Variants in SEC22C observed in about 807,000 individuals in gnomAD.
SEC22C encodes the protein vesicle-trafficking protein SEC22c.
A neutral mutation model predicts 34.7 loss-of-function variants in SEC22C; 29 were observed. That is an observed-to-expected ratio of 0.84 (90% CI 0.62 to 1.14). SEC22C has a LOEUF of 1.14. Among genes scored for constraint, SEC22C ranks in the 50% most tolerant of loss-of-function variants. The pLI is 0.00. For synonymous variants in SEC22C, 117 were observed against 132.8 expected (o/e 0.88, Z 0.82); for missense variants, 337 against 369.0 (o/e 0.91, Z 0.71).
Position 42,561,184 on chromosome 3 carries a change from G to A in SEC22C, c.459C>T (p.Leu153=). The A allele has an allele frequency of 6.2e-7, 1 of 1,614,146 alleles. No homozygotes were observed. The highest frequency in any genetic ancestry group is 8.5e-7 in the Non-Finnish European group (1 of 1,180,016). Residue 153 remains leucine (L), a synonymous_variant, in exon 4 of 7, where the codon CTC becomes CTT. Coordinates refer to ENST00000264454, the MANE Select transcript of SEC22C (RefSeq NM_032970.4). ...EELKLQPPAV[L]TLEDTDVANG... The stretch of plus-strand genomic sequence containing the variant: ...TTGCCACATCTGTGTCCTCCAGAGT[G>A]AGAACCGCTGGAGGCTGCAACTTGA...
At position 42,549,731 on chromosome 3, in the gene SEC22C, T is replaced by C; in HGVS notation, c.*3517A>G. ...TCAGACTCTGTCTCCAGAGCTGGAA[T>C]GTATAGGGCAGAGGTAGAAAGAGGC... On this transcript the variant is annotated 3_prime_UTR_variant, in exon 7 of 7. Transcript: ENST00000264454. 1.0e-6 allele frequency: 1 copy of C among 985,452 alleles called. No individual in the cohort carries two copies. The highest frequency in any genetic ancestry group is 1.2e-6 in the Non-Finnish European group (1 of 829,946). 61.0% of individuals were successfully genotyped at this position (985,452 alleles called of 1,614,324 possible). A position where few individuals can be genotyped will look rare whatever the true frequency, so the allele number is the denominator to read the frequency against.
At chr3:42,567,232 A>C (rs1472876727) in intron 2 of SEC22C, among the ~76,000 whole-genome samples, 1 of 152,236 alleles carries the variant, frequency 6.6e-6, no homozygotes, top group Admixed American at 6.5e-5. Flanking sequence ...TAAAATAAAA[A>C]ATAAAAATAT....
At chr3:42,591,665 C>T (rs1254349528) in intron 1 of SEC22C, 74 of 1,071,786 alleles carry the variant, frequency 6.9e-5, no homozygotes, top group South Asian at 3.8e-5. Flanking sequence ...TGATGCGGTG[C>T]TTTCTCGAAC....
At chr3:42,570,766 C>T (rs925135832) in intron 1 of SEC22C, among the ~76,000 whole-genome samples, 10 of 152,154 alleles carry the variant, frequency 6.6e-5, no homozygotes, top group Non-Finnish European at 1.5e-4. Context: ...ATCTTCTATA[C>T]TTTCGTAAGT....
chr3:42,600,372 C>G (rs1010984595), intron 1 of SEC22C: 2 of 152,252 alleles, frequency 1.3e-5, no homozygotes, highest in Non-Finnish European at 2.9e-5. Context: ...ACAGAGAAGT[C>G]TCGCGGTATC....
chr3:42,566,874 T>A (rs1195214324), intron 2 of SEC22C: 1 of 347,272 alleles, frequency 2.9e-6, no homozygotes, highest in East Asian at 8.6e-5. Context: ...TATAGTGGTG[T>A]GTAGACTCAG....
At chr3:42,596,506 C>A (rs1349791120) in intron 1 of SEC22C, among the ~76,000 whole-genome samples, 3 of 152,256 alleles carry the variant, frequency 2.0e-5, no homozygotes, top group Non-Finnish European at 4.4e-5. Flanking sequence ...AAATCATGGA[C>A]AAATTAAGCC....
chr3:42,599,693 A>G (rs1412762586), intron 1 of SEC22C, among the ~76,000 whole-genome samples: 1 of 148,736 alleles, frequency 6.7e-6, no homozygotes, highest in Non-Finnish European at 1.5e-5. Context: ...CTCCGTCTCA[A>G]AAAAAAAAAA....
At chr3:42,584,535 C>T (rs186126937), upstream of SEC22C, among the ~76,000 whole-genome samples, 73 of 152,282 alleles carry the variant, frequency 4.8e-4, no homozygotes, top group Middle Eastern at 0.017. Context: ...GGATTACAGG[C>T]GTGAGCCACC....
At position 42,551,676 on chromosome 3, in the gene SEC22C, T is replaced by TA. The variant is rs1702266419; in HGVS notation, c.*1571_*1572insT. 1.0e-6 allele frequency: 1 copy of TA among 962,296 alleles called. No individual in the cohort carries two copies. The highest frequency in any genetic ancestry group is 1.8e-5 in the African/African-American group (1 of 56,682). The allele number at this position is 962,296 out of a possible 1,614,324, so 59.6% of individuals were successfully genotyped here. ...TTTATGTTTGGTCAAAAATAGAAAA[T>TA]TCTATTATAAAAAATAAAGTTACTA... is the stretch of plus-strand genomic sequence containing the variant. On this transcript the variant is annotated 3_prime_UTR_variant, in exon 7 of 7. Coordinates refer to ENST00000264454, the MANE Select transcript of SEC22C (RefSeq NM_032970.4).
Position 42,548,986 on chromosome 3 carries a change from C to T in SEC22C, c.*4262G>A. The T allele has an allele frequency of 9.2e-7, 1 of 1,085,686 alleles. No homozygotes were observed. Among genetic ancestry groups the T allele is most frequent in the Non-Finnish European group, 1.1e-6 (1 of 884,650 alleles). The allele number at this position is 1,085,686 out of a possible 1,614,324, so 67.3% of individuals were successfully genotyped here. On this transcript the variant is annotated 3_prime_UTR_variant, in exon 7 of 7. Transcript: ENST00000264454. ...GCAGATTGATGTTATCACCATTTAC[C>T]AGATGAGGAAACTGAGGCCTGATGG...
At chr3:42,561,993 C>CA (rs3836501) in intron 3 of SEC22C, among the ~76,000 whole-genome samples, 7 of 148,936 alleles carry the variant, frequency 4.7e-5, no homozygotes, top group South Asian at 4.2e-4. Flanking sequence ...CTGATTAACT[C>CA]AAAAAAAAAG....
In SEC22C at chr3:42,576,859, T is replaced by C. The variant is rs183698535; in HGVS notation, c.-28+4987A>G. Among the ~76,000 whole-genome samples, 40 of 152,226 alleles carry C rather than the reference T, an allele frequency of 2.6e-4. 2 individuals carry two copies. Among genetic ancestry groups the C allele is most frequent in the Admixed American group, 2.5e-3 (38 of 15,302 alleles). ...AAAAAGAATAAAATAGGAAAAACCA[T>C]GCTATCCTACTTCAAGACTTATTAT... On this transcript the variant is annotated intron_variant, in intron 1 of 6. Transcript: ENST00000264454.
In SEC22C at chr3:42,591,384, G is replaced by A. The variant is rs1452863196; in HGVS notation, c.-28+9576C>T. 3.0e-5 allele frequency: 19 copies of A among 643,194 alleles called. No individual in the cohort carries two copies. The South Asian group carries it at 3.0e-4, about 10-fold the overall frequency. 39.8% of individuals were successfully genotyped at this position (643,194 alleles called of 1,614,324 possible). A position where few individuals can be genotyped will look rare whatever the true frequency, so the allele number is the denominator to read the frequency against. On this transcript the variant is annotated intron_variant, in intron 1 of 6. Coordinates refer to the SEC22C transcript ENST00000417572. ...CGGCTAATTTTTGTATTTTTAGTAT[G>A]GGGTTTCCCCATGTTGGCCAGGCTA...
At chr3:42,597,408 T>C (rs1372290112) in intron 1 of SEC22C, among the ~76,000 whole-genome samples, 1 of 152,034 alleles carries the variant, frequency 6.6e-6, no homozygotes, top group Non-Finnish European at 1.5e-5. Flanking sequence ...ACAAAAAAAT[T>C]AGCCAGGTGT....
rs1702161787 is a variant in SEC22C at position 42,549,872 on chromosome 3, T to C, written c.*3376A>G. ...CTCCAGAGTTCACAGAAAAGAGGGA[T>C]GCAAGCCCAAAAAGCAAAAGCAGGA... is the stretch of plus-strand genomic sequence containing the variant. On this transcript the variant is annotated 3_prime_UTR_variant, in exon 7 of 7. Coordinates refer to ENST00000264454, the MANE Select transcript of SEC22C (RefSeq NM_032970.4). 2.3e-5 allele frequency: 23 copies of C among 985,452 alleles called. No individual in the cohort carries two copies. The highest frequency in any genetic ancestry group is 2.8e-5 in the Non-Finnish European group (23 of 829,936). The allele number at this position is 985,452 out of a possible 1,614,324, so 61.0% of individuals were successfully genotyped here.
intron 4 of SEC22C, among the ~76,000 whole-genome samples, chr3:42,560,527 A>G (rs73071394): frequency 6.6e-6 from 1 of 151,338 alleles, no homozygotes; most frequent in Non-Finnish European, 1.5e-5. Flanking sequence ...AAAAAAAAAA[A>G]AAGAAGAAGA....
intron 1 of SEC22C, among the ~76,000 whole-genome samples, chr3:42,589,896 T>C (rs1008448687): frequency 6.6e-6 from 1 of 152,116 alleles, no homozygotes; most frequent in Non-Finnish European, 1.5e-5. Context: ...CAAGAAGGTA[T>C]GTCCAGCTTC....
Position 42,551,284 on chromosome 3 carries a change from G to A in SEC22C, c.*1964C>T. On this transcript the variant is annotated 3_prime_UTR_variant, in exon 7 of 7. Coordinates refer to ENST00000264454, the MANE Select transcript of SEC22C (RefSeq NM_032970.4). ...GGTATGCAGAAAATTATGCAGATGT[G>A]AAATCAGTGTAGAGACAACTTTGGA... is the stretch of plus-strand genomic sequence containing the variant. 1.0e-6 allele frequency: 1 copy of A among 985,398 alleles called. No homozygotes were observed. 61.0% of individuals were successfully genotyped at this position (985,398 alleles called of 1,614,324 possible).
Sources: gnomAD v4.1 joint callset for allele counts (sites outside exome capture counted in the v4.1 genomes callset) on GRCh38, gnomAD v4.1.1 for gene constraint, MANE v1.5 for transcripts, NCBI Gene and HGNC (gene_info 2026-07-23, HGNC 2026-07-21) for gene names.